Variants in DCC observed in about 807,000 individuals in gnomAD.
DCC encodes netrin receptor DCC.
Under a neutral mutation model 172.5 loss-of-function variants are expected in DCC, and 58 were observed. The ratio of observed to expected loss-of-function variants is 0.34; its 90% CI spans 0.27 to 0.42. The LOEUF (loss-of-function observed/expected upper bound fraction) is 0.42. Among genes scored for constraint, DCC ranks in the 10% least tolerant of loss-of-function variants. The pLI, the probability that DCC is intolerant of heterozygous loss-of-function variation, is 1.00. For synonymous variants in DCC, 709 were observed against 644.5 expected (o/e 1.10, Z -1.52); for missense variants, 1,740 against 1,791.0 (o/e 0.97, Z 0.51).
chr18:53,295,688 T>C (rs929265863), intron 12 of DCC, among the ~76,000 whole-genome samples: 5 of 152,216 alleles, frequency 3.3e-5, no homozygotes, highest in African/African-American at 9.6e-5. Flanking sequence ...TTTGTTTCTA[T>C]ATCCTCTGAG....
chr18:52,342,284 T>C (rs1326534214), intron 1 of DCC, among the ~76,000 whole-genome samples: 2 of 71,224 alleles, frequency 2.8e-5, no homozygotes, highest in East Asian at 1.3e-3. Context: ...TGTGTGCGTG[T>C]GTGTGTGTGT....
intron 1 of DCC, among the ~76,000 whole-genome samples, chr18:52,369,591 C>G (rs116511817): frequency 5.6e-4 from 85 of 151,964 alleles, no homozygotes; most frequent in Middle Eastern, 3.4e-3. Context: ...GGGGCTTGGC[C>G]TTGAGACCTT....
chr18:52,662,959 C>T (rs970145912), intron 1 of DCC, among the ~76,000 whole-genome samples: 2 of 152,068 alleles, frequency 1.3e-5, no homozygotes, highest in African/African-American at 4.8e-5. Flanking sequence ...CCCAATCGCT[C>T]CCTAAACACC....
intron 1 of DCC, among the ~76,000 whole-genome samples, chr18:52,654,997 C>T (rs1249280844): frequency 6.6e-6 from 1 of 152,152 alleles, no homozygotes; most frequent in Non-Finnish European, 1.5e-5. Flanking sequence ...ATAAATTTGC[C>T]CATGCTGAAT....
chr18:52,932,528 C>T (rs1049772017), intron 5 of DCC, among the ~76,000 whole-genome samples: 18 of 152,078 alleles, frequency 1.2e-4, no homozygotes, highest in African/African-American at 4.3e-4. Flanking sequence ...TCAGTAGGAG[C>T]CATTAAGTTG....
rs1555675541 is a variant in DCC, at chr18:52,868,077, G to GTGTA, written c.413-37966_413-37965insGTAT. Among the ~76,000 whole-genome samples the GTGTA allele has an allele frequency of 3.1e-3, 369 of 120,430 alleles. 8 individuals carry two copies. The East Asian group carries it at 0.047, about 15-fold the overall frequency. 79.0% of individuals were successfully genotyped at this position (120,430 alleles called of 152,430 possible). On this transcript the variant is annotated intron_variant, in intron 2 of 28. Coordinates refer to ENST00000442544, the MANE Select transcript of DCC (RefSeq NM_005215.4). The stretch of plus-strand genomic sequence containing the variant: ...TATGTGTGTGTGTGTGTGTGTGTGT[G>GTGTA]TATATATGTGTGTATATATATATGT...
chr18:53,207,641 G>A, intron 10 of DCC, 38 bp from the exon 11 acceptor site: 2 of 1,597,682 alleles, frequency 1.3e-6, no homozygotes, highest in Non-Finnish European at 1.7e-6. Flanking sequence ...ACTTTAATGT[G>A]CTTCCTTGAT....
intron 27 of DCC, among the ~76,000 whole-genome samples, chr18:53,512,255 C>CTGTT (rs1168803696): frequency 6.6e-6 from 1 of 150,802 alleles, no homozygotes; most frequent in Non-Finnish European, 1.5e-5. Flanking sequence ...AGGGTCCTGT[C>CTGTT]TGTTAGAAGG....
At chr18:52,545,222 G>A (rs1185835358) in intron 1 of DCC, among the ~76,000 whole-genome samples, 1 of 152,174 alleles carries the variant, frequency 6.6e-6, no homozygotes, top group Non-Finnish European at 1.5e-5. Context: ...AGACTTGATA[G>A]CTTCTCCCTG....
intron 5 of DCC, among the ~76,000 whole-genome samples, chr18:53,059,013 G>T (rs1356149003): frequency 1.3e-5 from 2 of 151,982 alleles, no homozygotes; most frequent in Non-Finnish European, 2.9e-5. Flanking sequence ...CAGCATGGCT[G>T]GGGAGGCCTC....
chr18:52,503,276 G>GAGCT (rs1217684573), intron 1 of DCC, among the ~76,000 whole-genome samples: 57 of 152,212 alleles, frequency 3.7e-4, no homozygotes, highest in African/African-American at 1.3e-3. Flanking sequence ...GAGTAAAAGG[G>GAGCT]AGCTAGTAGT....
At chr18:52,709,443 CA>C (rs2145051875) in intron 1 of DCC, among the ~76,000 whole-genome samples, 1 of 152,254 alleles carries the variant, frequency 6.6e-6, no homozygotes, top group South Asian at 2.1e-4. Context: ...GGGCCTATCA[CA>C]GGGGCATGGC....
intron 15 of DCC, among the ~76,000 whole-genome samples, chr18:53,340,928 G>A (rs2057652487): frequency 6.6e-6 from 1 of 152,076 alleles, no homozygotes; most frequent in Admixed American, 6.6e-5. Flanking sequence ...TAGCTAAAAT[G>A]CAGTAGCAAG....
intron 1 of DCC, among the ~76,000 whole-genome samples, chr18:52,636,938 C>T (rs750426382): frequency 1.3e-5 from 2 of 152,160 alleles, no homozygotes; most frequent in South Asian, 2.1e-4. Context: ...CCACCTCCAC[C>T]GGAACAGGCA....
At chr18:52,422,118 AT>A (rs1303637300) in intron 1 of DCC, among the ~76,000 whole-genome samples, 1 of 152,150 alleles carries the variant, frequency 6.6e-6, no homozygotes. Flanking sequence ...TTTAATCTTA[AT>A]TTTTTTAAGC....
At chr18:53,277,833 A>T (rs2056823341) in intron 12 of DCC, among the ~76,000 whole-genome samples, 1 of 152,128 alleles carries the variant, frequency 6.6e-6, no homozygotes, top group African/African-American at 2.4e-5. Context: ...TAAAATCACC[A>T]ACTATGATGA....
chr18:52,914,158 A>T (rs1051903893), intron 3 of DCC, among the ~76,000 whole-genome samples: 1 of 152,066 alleles, frequency 6.6e-6, no homozygotes, highest in Admixed American at 6.6e-5. Context: ...ACACATCATA[A>T]TGGCAACATT....
chr18:53,444,374 T>A (rs1241925642), intron 22 of DCC, among the ~76,000 whole-genome samples: 2 of 152,132 alleles, frequency 1.3e-5, no homozygotes, highest in Admixed American at 6.5e-5. Context: ...AAACACCATC[T>A]ATACTGAAAA....
chr18:52,835,600 A>G (rs1420527324), intron 2 of DCC, among the ~76,000 whole-genome samples: 2 of 152,238 alleles, frequency 1.3e-5, no homozygotes, highest in African/African-American at 4.8e-5. Context: ...TTACAGCTTC[A>G]AAGAATCTTC....
Sources: gnomAD v4.1 joint callset for allele counts (sites outside exome capture counted in the v4.1 genomes callset) on GRCh38, gnomAD v4.1.1 for gene constraint, MANE v1.5 for transcripts, NCBI Gene and HGNC (gene_info 2026-07-23, HGNC 2026-07-21) for gene names.